The following IL4I1 variants were observed in gnomAD, a reference collection of about 807,000 sequenced individuals.
The protein encoded by IL4I1 is L-amino-acid oxidase.
In IL4I1, 24 loss-of-function variants were observed where a neutral mutation model predicts 29.7. That is an observed-to-expected ratio of 0.81 (90% confidence interval 0.59 to 1.14). The LOEUF (loss-of-function observed/expected upper bound fraction) is 1.14, where lower values mean the gene tolerates loss of function less well. Among genes scored for constraint, IL4I1 ranks in the 50% most tolerant of loss-of-function variants. The pLI is 0.00. For missense variants in IL4I1, 686 were observed against 785.6 expected, an observed-to-expected ratio of 0.87 and a Z score of 1.52; for synonymous variants, 371 against 352.5, an observed-to-expected ratio of 1.05 and a Z score of -0.59.
chr19:49,898,343 A>T (rs2075237797), upstream of IL4I1, among the ~76,000 whole-genome samples: 1 of 151,702 alleles, frequency 6.6e-6, no homozygotes, highest in South Asian at 2.1e-4. Context: ...ATAAAAATAA[A>T]AAATAGTAAT....
chr19:49,908,217 C>CGGGCCCCA, intron 2 of IL4I1: 1 of 1,610,594 alleles, frequency 6.2e-7, no homozygotes. Context: ...TAGGGACCTG[C>CGGGCCCCA]GGGCCCCAGG....
chr19:49,909,746 G>A (rs74555033), intron 2 of IL4I1: 1 of 1,614,026 alleles, frequency 6.2e-7, no homozygotes, highest in Non-Finnish European at 8.5e-7. Flanking sequence ...TGCCGTCTTT[G>A]CAGTGCCAAA....
At position 49,889,799 on chromosome 19, in the gene IL4I1, C is replaced by T. The variant is rs1437810753; in HGVS notation, c.1575G>A (p.Glu525=). The T allele has an allele frequency of 6.5e-7, 1 of 1,544,022 alleles. No homozygotes were observed. The change falls in exon 8 of 8, where the codon GAG becomes GAA. Residue 525 remains glutamate, a synonymous_variant. Coordinates refer to ENST00000391826, the MANE Select transcript of IL4I1 (RefSeq NM_152899.2). ...CCACCCCATGCACATGCCCCTGCCC[C>T]TCCATGTCAGATGCGTGCCCCTCGG... The part of the protein sequence containing the change: ...ASPEGHASDM[E]GQGHVHGVAS...
intron 2 of IL4I1, among the ~76,000 whole-genome samples, chr19:49,917,005 G>A (rs539105054): frequency 2.0e-5 from 3 of 152,350 alleles, no homozygotes; most frequent in African/African-American, 4.8e-5. Context: ...TGCTGACAAC[G>A]CAGAGCCCAG....
upstream of IL4I1, chr19:49,901,784 G>A (rs1277700221): frequency 2.6e-5 from 31 of 1,204,060 alleles, no homozygotes; most frequent in Middle Eastern, 5.9e-4. Flanking sequence ...GATCAGAGAT[G>A]CCAAGTTCCT....
intron 3 of IL4I1, among the ~76,000 whole-genome samples, 158 bp downstream of exon 3, chr19:49,895,657 G>A (rs1400079675): frequency 6.6e-6 from 1 of 152,110 alleles, no homozygotes; most frequent in Non-Finnish European, 1.5e-5. Context: ...GACAGCAGGG[G>A]GCTTGGGCCT....
In IL4I1 at chr19:49,890,021, C is replaced by T; in HGVS notation, c.1353G>A (p.Gln451=). 1 of 1,552,320 alleles carries T rather than the reference C, an allele frequency of 6.4e-7. No homozygotes were observed. Among genetic ancestry groups the T allele is most frequent in the Non-Finnish European group, 8.7e-7 (1 of 1,148,066 alleles). Residue 451 remains glutamine (Q), a synonymous_variant, in exon 8 of 8, where the codon CAG becomes CAA. Transcript: ENST00000391826. The stretch of plus-strand genomic sequence containing the variant: ...CCGGCGGCTGTACCACAAAGCCACC[C>T]TGGCTGTGCTGGTCCTCCGCCCAAC... ...VKRWAEDQHS[Q]GGFVVQPPAL...
chr19:49,903,588 G>A (rs569865945), intron 3 of IL4I1, among the ~76,000 whole-genome samples: 47 of 152,304 alleles, frequency 3.1e-4, no homozygotes, highest in Non-Finnish European at 5.7e-4. Context: ...CTGAGTCTGA[G>A]GGGCAGATTT....
chr19:49,898,904 C>A (rs1266914272), upstream of IL4I1, among the ~76,000 whole-genome samples: 2 of 152,098 alleles, frequency 1.3e-5, no homozygotes, highest in African/African-American at 4.8e-5. Flanking sequence ...AAACCAACAA[C>A]AATGCCTGCA....
chr19:49,890,775 A>C lies in IL4I1; in HGVS notation c.774-175T>G, dbSNP rs538532678. 3.4e-5 allele frequency among the ~76,000 whole-genome samples: 5 copies of C among 147,736 alleles called. No homozygotes were observed. In the East Asian group the frequency reaches 1.0e-3, roughly 30 times the overall value. On this transcript the variant is annotated intron_variant, in intron 7 of 7. Coordinates refer to ENST00000391826, the MANE Select transcript of IL4I1 (RefSeq NM_152899.2). ...ATCCCAAAGGCCGCAGGAGTAGTGG[A>C]TTGTGTCACCAGGGACCCCACCACT...
chr19:49,896,843 C>T lies in IL4I1; in HGVS notation c.-31G>A. The T allele has an allele frequency of 1.0e-6, 1 of 986,190 alleles. No homozygotes were observed. The highest frequency in any genetic ancestry group is 1.2e-6 in the Non-Finnish European group (1 of 830,484). 61.1% of individuals were successfully genotyped at this position (986,190 alleles called of 1,614,324 possible). Reference sequence around the variant, plus strand: ...ACTGGCCGTGTCACTACCTCCAGCTCTTGGTGACAGCAGGACAGCGCGGTC... The same window carrying T: ...ACTGGCCGTGTCACTACCTCCAGCTTTTGGTGACAGCAGGACAGCGCGGTC... On this transcript the variant is annotated 5_prime_UTR_variant, in exon 1 of 8. Transcript: ENST00000391826.
intron 2 of IL4I1, among the ~76,000 whole-genome samples, chr19:49,918,138 C>T (rs901691751): frequency 4.6e-5 from 7 of 151,780 alleles, no homozygotes; most frequent in African/African-American, 1.7e-4. Context: ...ATAATCACAG[C>T]TCACTGCAGC....
chr19:49,895,267 C>A (rs1042396255), intron 3 of IL4I1, 87 bp from the exon 4 acceptor site: 8 of 1,056,580 alleles, frequency 7.6e-6, no homozygotes, highest in Non-Finnish European at 1.1e-5. Flanking sequence ...CAGCCCCCTG[C>A]CTTCTTCCAT....
chr19:49,912,984 T>C (rs1479216290), intron 2 of IL4I1: 1 of 149,298 alleles, frequency 6.7e-6, no homozygotes, highest in Non-Finnish European at 1.5e-5. Context: ...CCACGGTCCC[T>C]GCCCTCAAGG....
chr19:49,901,574 C>A, upstream of IL4I1: 2 of 1,159,514 alleles, frequency 1.7e-6, no homozygotes, highest in Non-Finnish European at 2.4e-6. Flanking sequence ...GACAGGGTCC[C>A]CCTTCCCATG....
intron 2 of IL4I1, among the ~76,000 whole-genome samples, chr19:49,914,983 G>T (rs1481747302): frequency 6.6e-6 from 1 of 151,794 alleles, no homozygotes; most frequent in Non-Finnish European, 1.5e-5. Context: ...CAGGTGATCT[G>T]CCCACCTTGG....
chr19:49,909,801 C>T lies in IL4I1; in HGVS notation c.-227-5480G>A, dbSNP rs749287221. ...GCCCCAGTGCCTCCAAAATTAAACCCGCTCATGGCTCCGGACTCTGGTGGC... is the reference window on the plus strand; with the variant it reads ...GCCCCAGTGCCTCCAAAATTAAACCTGCTCATGGCTCCGGACTCTGGTGGC... On this transcript the variant is annotated intron_variant, in intron 2 of 9. Transcript: ENST00000341114. 1.2e-5 allele frequency: 19 copies of T among 1,613,906 alleles called. No homozygotes were observed. In the East Asian group the frequency reaches 1.6e-4, roughly 13 times the overall value.
At chr19:49,910,184 G>A (rs2075428246) in intron 2 of IL4I1, among the ~76,000 whole-genome samples, 1 of 152,124 alleles carries the variant, frequency 6.6e-6, no homozygotes, top group Admixed American at 6.5e-5. Context: ...AGCCTGAGGA[G>A]ATCAGATTTG....
At chr19:49,925,200 G>A (rs1187351864) in intron 2 of IL4I1, among the ~76,000 whole-genome samples, 1 of 152,162 alleles carries the variant, frequency 6.6e-6, no homozygotes, top group East Asian at 1.9e-4. Context: ...GGCAGAGGTT[G>A]CGGTGAGCCG....
Sources: allele counts gnomAD v4.1 joint callset (sites outside exome capture counted in the v4.1 genomes callset), GRCh38; gene constraint gnomAD v4.1.1; transcripts MANE v1.5; gene names NCBI Gene and HGNC (gene_info 2026-07-23, HGNC 2026-07-21).